The following SLC14A2 variants were observed in gnomAD, a reference collection of about 807,000 sequenced individuals.
SLC14A2 encodes the protein solute carrier family 14 member 2.
Under a neutral mutation model 104.6 loss-of-function variants are expected in SLC14A2, and 91 were observed. The ratio of observed to expected loss-of-function variants is 0.87; its 90% confidence interval spans 0.73 to 1.04. The LOEUF is 1.04. SLC14A2 is among the 50% of genes least tolerant of loss of function. The pLI is 0.00. For synonymous variants in SLC14A2, 476 were observed against 466.4 expected (o/e 1.02, Z -0.27); for missense variants, 1,189 against 1,156.0 (o/e 1.03, Z -0.41).
intron 1 of SLC14A2, among the ~76,000 whole-genome samples, chr18:45,453,860 T>G (rs2086896549): frequency 7.7e-6 from 1 of 129,246 alleles, no homozygotes; most frequent in Non-Finnish European, 1.6e-5. Flanking sequence ...TTTTTTTTTT[T>G]TTTTTTTTTT....
At chr18:45,451,854 G>A (rs888869031) in intron 1 of SLC14A2, among the ~76,000 whole-genome samples, 5 of 152,134 alleles carry the variant, frequency 3.3e-5, no homozygotes, top group African/African-American at 1.2e-4. Flanking sequence ...TGTTTTGAAA[G>A]ATCATATTAT....
chr18:45,281,797 C>A (rs1413275698), intron 1 of SLC14A2, among the ~76,000 whole-genome samples: 1 of 152,180 alleles, frequency 6.6e-6, no homozygotes, highest in Admixed American at 6.5e-5. Context: ...ATGTGAAACA[C>A]TTCTAGGTCT....
Position 45,625,856 on chromosome 18 carries a change from G to C in SLC14A2, c.324G>C (p.Trp108Cys), listed in dbSNP as rs777926177. ...LTGDMKEYRIWLKDKHLALQF... is the reference protein window; with the variant it reads ...LTGDMKEYRICLKDKHLALQF... ...GCGACATGAAGGAGTACAGGATCTGGCTGAAAGGTAGGAAAATACCCTGGG... is the reference window on the plus strand; with the variant it reads ...GCGACATGAAGGAGTACAGGATCTGCCTGAAAGGTAGGAAAATACCCTGGG... Residue 108 changes from tryptophan (W) to cysteine (C), a missense_variant, in exon 3 of 20, where the codon TGG (tryptophan) becomes TGC (cysteine). Coordinates refer to ENST00000255226, the MANE Select transcript of SLC14A2 (RefSeq NM_007163.4). The C allele has an allele frequency of 6.8e-7, 1 of 1,468,922 alleles. No homozygotes were observed. The highest frequency in any genetic ancestry group is 9.0e-7 in the Non-Finnish European group (1 of 1,111,464). 91.0% of individuals were successfully genotyped at this position (1,468,922 alleles called of 1,614,324 possible).
intron 14 of SLC14A2, 44 bp downstream of exon 14, chr18:45,668,066 C>A (rs778152042): frequency 1.3e-6 from 2 of 1,566,994 alleles, no homozygotes; most frequent in South Asian, 1.1e-5. Flanking sequence ...GCCAAGAAGT[C>A]ACTCCCCATG....
intron 1 of SLC14A2, among the ~76,000 whole-genome samples, chr18:45,271,551 C>A (rs1220341024): frequency 6.6e-6 from 1 of 151,890 alleles, no homozygotes; most frequent in Non-Finnish European, 1.5e-5. Flanking sequence ...AAAAAGTAAT[C>A]CCTTTTACAA....
chr18:45,349,329 A>C (rs934892095), intron 1 of SLC14A2, among the ~76,000 whole-genome samples: 1 of 152,236 alleles, frequency 6.6e-6, no homozygotes, highest in Admixed American at 6.5e-5. Flanking sequence ...TTGTAGCCAC[A>C]TGAGAATGTT....
At chr18:45,536,076 G>T (rs1392842540) in intron 2 of SLC14A2, among the ~76,000 whole-genome samples, 1 of 152,182 alleles carries the variant, frequency 6.6e-6, no homozygotes, top group East Asian at 1.9e-4. Flanking sequence ...GAAGAACATT[G>T]ACTTCCTTTT....
At chr18:45,181,356 T>C in the SLC14A2 span, 1 of 152,234 alleles carries the variant, frequency 6.6e-6, no homozygotes, top group Non-Finnish European at 1.5e-5. Context: ...AGGCTCTCTT[T>C]GGATCAAGTG....
At chr18:45,388,637 C>T (rs553995603) in intron 1 of SLC14A2, among the ~76,000 whole-genome samples, 9 of 152,200 alleles carry the variant, frequency 5.9e-5, no homozygotes, top group African/African-American at 1.9e-4. Flanking sequence ...CTCTGCCACC[C>T]GCCCTTATAT....
At chr18:45,490,323 C>T (rs1055673043) in intron 2 of SLC14A2, among the ~76,000 whole-genome samples, 1 of 152,072 alleles carries the variant, frequency 6.6e-6, no homozygotes. Flanking sequence ...AAAACTGGTA[C>T]ATGATGGGGT....
chr18:45,348,425 A>C (rs2144300033), intron 1 of SLC14A2, among the ~76,000 whole-genome samples: 1 of 152,220 alleles, frequency 6.6e-6, no homozygotes, highest in Non-Finnish European at 1.5e-5. Flanking sequence ...TAATCCCCTA[A>C]TTCCTCTGCT....
intron 2 of SLC14A2, among the ~76,000 whole-genome samples, chr18:45,569,834 A>T (rs2144332182): frequency 6.6e-6 from 1 of 152,258 alleles, no homozygotes; most frequent in African/African-American, 2.4e-5. Context: ...CCATCGACCA[A>T]CCAGCTGTGT....
chr18:45,271,330 G>A (rs1038068681), intron 1 of SLC14A2, among the ~76,000 whole-genome samples: 2 of 152,078 alleles, frequency 1.3e-5, no homozygotes, highest in Non-Finnish European at 2.9e-5. Context: ...TTTTCCCTTG[G>A]GAGGTGATTC....
chr18:45,299,122 A>G (rs7236910), intron 1 of SLC14A2, among the ~76,000 whole-genome samples: 26,970 of 152,190 alleles, frequency 0.18, 2,773 homozygotes, highest in African/African-American at 0.28. Flanking sequence ...TGAATAGGCA[A>G]TGTTCACCGG....
intron 1 of SLC14A2, among the ~76,000 whole-genome samples, chr18:45,274,210 G>T (rs1056779646): frequency 6.6e-6 from 1 of 152,070 alleles, no homozygotes; most frequent in African/African-American, 2.4e-5. Context: ...GATTTGGCTG[G>T]GTTCTCTCAC....
rs184595262 is a variant in SLC14A2, at chr18:45,586,254, G to A, written c.-34-38377G>A. ...CTGAGGAGACCTCAGTGAAGTGAGG[G>A]GGCAAGTCCCACACCCGGAAACAAT... On this transcript the variant is annotated intron_variant, in intron 2 of 20. Transcript: ENST00000586448. Among the ~76,000 whole-genome samples, 186 of 152,220 alleles carry A rather than the reference G, an allele frequency of 1.2e-3. 1 individual carries two copies. Among genetic ancestry groups the A allele is most frequent in the African/African-American group, 4.4e-3 (183 of 41,540 alleles).
intron 1 of SLC14A2, among the ~76,000 whole-genome samples, chr18:45,231,293 C>T (rs1254097558): frequency 3.9e-5 from 6 of 152,138 alleles, no homozygotes; most frequent in African/African-American, 4.8e-5. Context: ...GCCTTGACCT[C>T]CTGGGCTCAA....
intron 2 of SLC14A2, among the ~76,000 whole-genome samples, chr18:45,533,306 C>T (rs918500843): frequency 5.9e-5 from 9 of 152,102 alleles, no homozygotes; most frequent in East Asian, 1.9e-4. Context: ...TGGTAGAATT[C>T]GGCTGTGAAT....
intron 2 of SLC14A2, among the ~76,000 whole-genome samples, chr18:45,575,335 G>A (rs908227987): frequency 2.0e-5 from 3 of 152,142 alleles, no homozygotes; most frequent in Non-Finnish European, 4.4e-5. Flanking sequence ...CCTTCTAGCT[G>A]GTGATGGAAG....
Sources: gnomAD v4.1 joint callset for allele counts (sites outside exome capture counted in the v4.1 genomes callset) on GRCh38, gnomAD v4.1.1 for gene constraint, MANE v1.5 for transcripts, NCBI Gene and HGNC (gene_info 2026-07-23, HGNC 2026-07-21) for gene names.